Variants in ATAD5 observed in about 807,000 individuals in gnomAD.
The protein encoded by ATAD5 is ATPase family AAA domain containing 5.
A neutral mutation model predicts 176.9 loss-of-function variants in ATAD5; 58 were observed. That is an observed-to-expected ratio of 0.33 (90% CI 0.27 to 0.41). The LOEUF is 0.41. Among genes scored for constraint, ATAD5 ranks in the 10% least tolerant of loss-of-function variants. The pLI, the probability that ATAD5 is intolerant of heterozygous loss-of-function variation, is 1.00. For synonymous variants in ATAD5, 640 were observed against 712.6 expected (o/e 0.90, Z 1.62); for missense variants, 1,789 against 2,094.1 (o/e 0.85, Z 2.84).
intron 10 of ATAD5, chr17:30,863,004 AAC>A (rs1907733173): frequency 6.6e-6 from 1 of 151,808 alleles, no homozygotes; most frequent in Non-Finnish European, 1.5e-5. Context: ...CAGGCTGAGC[AAC>A]ACAGGGAGAC....
chr17:30,836,535 T>A (rs974881314), intron 2 of ATAD5, among the ~76,000 whole-genome samples: 2 of 150,718 alleles, frequency 1.3e-5, no homozygotes, highest in East Asian at 1.9e-4. Context: ...TGTAATTAAA[T>A]TTTTTTTTTA....
At position 30,836,000 on chromosome 17, in the gene ATAD5, A is replaced by G. The variant is rs1905722751; in HGVS notation, c.1919A>G (p.Tyr640Cys). Residue 640 changes from tyrosine to cysteine, a missense_variant, in exon 2 of 23, where the codon TAT becomes TGT. Coordinates refer to ENST00000321990, the MANE Select transcript of ATAD5 (RefSeq NM_024857.5). ...AANLSEKHSL[Y>C]TAELITVPFD... ...AACTTATCGGAAAAGCACAGCTTAT[A>G]TACAGCAGAATTAATAACAGTACCC... 2 of 1,611,932 alleles carry G rather than the reference A, an allele frequency of 1.2e-6. No homozygotes were observed. Among genetic ancestry groups the G allele is most frequent in the South Asian group, 2.2e-5 (2 of 90,580 alleles).
At chr17:30,840,167 T>A (rs1364767711) in intron 3 of ATAD5, among the ~76,000 whole-genome samples, 1 of 141,198 alleles carries the variant, frequency 7.1e-6, no homozygotes, top group Non-Finnish European at 1.5e-5. Flanking sequence ...CACTGCACTC[T>A]AGCCTTGGCA....
At chr17:30,850,831 T>TATA (rs1906846422) in intron 6 of ATAD5, among the ~76,000 whole-genome samples, 5 of 62,606 alleles carry the variant, frequency 8.0e-5, no homozygotes, top group African/African-American at 2.2e-4. Context: ...ATTTATATAT[T>TATA]TTTATATATA....
intron 4 of ATAD5, among the ~76,000 whole-genome samples, chr17:30,842,629 T>G (rs920688806): frequency 2.0e-5 from 3 of 152,210 alleles, no homozygotes; most frequent in Non-Finnish European, 4.4e-5. Context: ...GATGTACAGT[T>G]CCAACAGGGC....
Position 30,834,596 on chromosome 17 carries a change from T to C in ATAD5, c.515T>C (p.Ile172Thr). The C allele has an allele frequency of 6.2e-7, 1 of 1,611,204 alleles. No homozygotes were observed. Among genetic ancestry groups the C allele is most frequent in the Non-Finnish European group, 8.5e-7 (1 of 1,179,408 alleles). The change falls in exon 2 of 23, where the codon ATT becomes ACT. Residue 172 changes from isoleucine (I) to threonine (T), a missense_variant. Physicochemically the swap from Ile to Thr is moderately conservative, Grantham distance 89 (BLOSUM62 -1). This residue lies in a region of ATAD5 where 696 missense variants were observed against 712.5 expected (regional missense o/e 0.98). Transcript: ENST00000321990. ...CAAGTAGAGGTACTTGCAGAAAACATTCAAGATACAAAAAGTCAACCAAAT... is the reference window on the plus strand; with the variant it reads ...CAAGTAGAGGTACTTGCAGAAAACACTCAAGATACAAAAAGTCAACCAAAT... ...KKQVEVLAENIQDTKSQPNTM... is the reference protein window; with the variant it reads ...KKQVEVLAENTQDTKSQPNTM...
At position 30,894,700 on chromosome 17, in the gene ATAD5, G is replaced by A; in HGVS notation, c.5434G>A (p.Glu1812Lys). ...CATCTGTAAGACTGAGAAGCTAAAA[G>A]AACAAGGAAAAAGTAAAAGAAGGTA... ...RNICKTEKLK[E>K]QGKSKRRFLH... Residue 1812 changes from glutamate to lysine, a missense_variant, in exon 22 of 23, where the codon GAA (glutamate) becomes AAA (lysine). Physicochemically the swap from Glu to Lys is moderately conservative, Grantham distance 56 (BLOSUM62 1). Transcript: ENST00000321990. 6.2e-7 allele frequency: 1 copy of A among 1,606,938 alleles called. No individual in the cohort carries two copies. The highest frequency in any genetic ancestry group is 8.5e-7 in the Non-Finnish European group (1 of 1,177,910).
At chr17:30,882,035 G>A (rs943215696) in intron 18 of ATAD5, among the ~76,000 whole-genome samples, 2 of 152,096 alleles carry the variant, frequency 1.3e-5, no homozygotes, top group South Asian at 2.1e-4. Flanking sequence ...TGAGGTGGGC[G>A]GATCACCTGA....
At chr17:30,855,034 C>G in intron 6 of ATAD5, 109 bp from the exon 7 acceptor site, 2 of 1,006,164 alleles carry the variant, frequency 2.0e-6, no homozygotes, top group Non-Finnish European at 2.8e-6. Flanking sequence ...ACTTATATTA[C>G]AGGCATGAGC....
intron 18 of ATAD5, among the ~76,000 whole-genome samples, chr17:30,884,424 C>CTTTTTTTTTTTTTTTTTT (rs61664127): frequency 2.2e-4 from 18 of 80,978 alleles, no homozygotes; most frequent in African/African-American, 3.6e-4. Context: ...CTTTTCTTTT[C>CTTTTTTTTTTTTTTTTTT]TTTTTTTTTT....
In ATAD5 at chr17:30,894,073, T is replaced by A; in HGVS notation, c.5220T>A (p.Asp1740Glu). The change falls in exon 21 of 23, where the codon GAT becomes GAA. Residue 1740 changes from aspartate (D) to glutamate (E), a missense_variant. This residue lies in a region of ATAD5 where 403 missense variants were observed against 495.1 expected (regional missense o/e 0.81). Coordinates refer to ENST00000321990, the MANE Select transcript of ATAD5 (RefSeq NM_024857.5). ...TLNSCKKLGR[D>E]PTNDLTFYVS... ...ATTCTTGCAAGAAATTAGGAAGAGA[T>A]CCAACCAACGATCTTACTTTTTATG... 1 of 1,609,784 alleles carries A rather than the reference T, an allele frequency of 6.2e-7. No individual in the cohort carries two copies. Among genetic ancestry groups the A allele is most frequent in the Non-Finnish European group, 8.5e-7 (1 of 1,176,962 alleles).
At chr17:30,890,399 G>A (rs1227627685) in intron 19 of ATAD5, among the ~76,000 whole-genome samples, 3 of 147,516 alleles carry the variant, frequency 2.0e-5, no homozygotes, top group Non-Finnish European at 4.5e-5. Context: ...AATAAGTACA[G>A]CATAATTTCT....
intron 19 of ATAD5, 134 bp downstream of exon 19, chr17:30,887,506 C>A: frequency 1.5e-6 from 1 of 666,986 alleles, no homozygotes; most frequent in Non-Finnish European, 2.5e-6. Context: ...CTCTTGAGGC[C>A]AGGAGGTCCA....
chr17:30,867,325 A>G (rs535925744), intron 11 of ATAD5, among the ~76,000 whole-genome samples: 27 of 152,276 alleles, frequency 1.8e-4, no homozygotes, highest in Admixed American at 1.3e-3. Flanking sequence ...ACATGAGTCC[A>G]AGGATTCGAG....
chr17:30,840,788 A>G lies in ATAD5; in HGVS notation c.2241+7A>G, dbSNP rs1289389609. 1 of 1,588,122 alleles carries G rather than the reference A, an allele frequency of 6.3e-7. No individual in the cohort carries two copies. ...GAAATTGTCAGAAACAGAAGTAAGT[A>G]TTATAAATATCTGTTGGTATAAATT... is the stretch of plus-strand genomic sequence containing the variant. On this transcript the variant is annotated splice_region_variant and intron_variant, in intron 4 of 22. Transcript: ENST00000321990.
At chr17:30,863,594 C>G (rs1907782519) in intron 10 of ATAD5, among the ~76,000 whole-genome samples, 1 of 150,650 alleles carries the variant, frequency 6.6e-6, no homozygotes, top group African/African-American at 2.4e-5. Context: ...TCTTGATCTC[C>G]TGACCTTGTG....
Position 30,840,617 on chromosome 17 carries a change from G to T in ATAD5, c.2077G>T (p.Ala693Ser). Residue 693 changes from alanine (A) to serine (S), a missense_variant and splice_region_variant, in exon 4 of 23, where the codon GCA (alanine) becomes TCA (serine). This residue lies in a region of ATAD5 where 487 missense variants were observed against 573.6 expected (regional missense o/e 0.85). Transcript: ENST00000321990. ...DGGFTSQIRKASNTSKNISKA... is the reference protein window; with the variant it reads ...DGGFTSQIRKSSNTSKNISKA... ...ATTAATGTTTCAATTTTTTGTTTAG[G>T]CAAGCAATACTTCAAAAAACATATC... 1.3e-6 allele frequency: 2 copies of T among 1,489,070 alleles called. No individual in the cohort carries two copies. The highest frequency in any genetic ancestry group is 2.3e-5 in the Admixed American group (1 of 42,884). The allele number at this position is 1,489,070 out of a possible 1,614,324, so 92.2% of individuals were successfully genotyped here. A position where few individuals can be genotyped will look rare whatever the true frequency, so the allele number is the denominator to read the frequency against.
chr17:30,890,526 A>T (rs1427416810), intron 19 of ATAD5, among the ~76,000 whole-genome samples: 1 of 141,504 alleles, frequency 7.1e-6, no homozygotes, highest in Non-Finnish European at 1.5e-5. Context: ...GGTTCAAGGG[A>T]TTCTCCTGCC....
intron 6 of ATAD5, among the ~76,000 whole-genome samples, chr17:30,854,353 TATTAA>T (rs893031325): frequency 1.4e-5 from 2 of 141,834 alleles, no homozygotes; most frequent in East Asian, 2.0e-4. Context: ...TAATACATTT[TATTAA>T]ATTAATTTAA....
Sources: allele counts gnomAD v4.1 joint callset (sites outside exome capture counted in the v4.1 genomes callset), GRCh38; gene constraint gnomAD v4.1.1; regional missense constraint gnomAD v4.1.1; transcripts MANE v1.5; gene names NCBI Gene and HGNC (gene_info 2026-07-23, HGNC 2026-07-21).